Variants in HEATR6 observed in about 807,000 individuals in gnomAD.
The protein encoded by HEATR6 is HEAT repeat-containing protein 6.
HEATR6 carries 106 observed loss-of-function variants against 132.8 expected under a neutral mutation model. That is an observed-to-expected ratio of 0.80 (90% CI 0.68 to 0.94). HEATR6 has a LOEUF of 0.94. Ranked by LOEUF, HEATR6 falls within the 40% of genes least tolerant of loss-of-function variation. HEATR6 has a pLI of 0.00. For missense variants in HEATR6, 1,339 were observed against 1,425.1 expected (o/e 0.94, Z 0.97); for synonymous variants, 529 against 537.8 (o/e 0.98, Z 0.23).
At chr17:60,075,365 A>T (rs1312411860) in intron 2 of HEATR6, among the ~76,000 whole-genome samples, 2 of 152,112 alleles carry the variant, frequency 1.3e-5, no homozygotes, top group African/African-American at 2.4e-5. Context: ...TTATTTTTTT[A>T]AAAATTGTTT....
rs1479679453 is a variant in HEATR6, at chr17:60,042,804, C to T, written c.*759G>A. Among the ~76,000 whole-genome samples the T allele has an allele frequency of 1.6e-5, 1 of 63,734 alleles. No individual in the cohort carries two copies. Among genetic ancestry groups the T allele is most frequent in the Non-Finnish European group, 3.0e-5 (1 of 33,546 alleles). 41.8% of individuals were successfully genotyped at this position (63,734 alleles called of 152,430 possible). On this transcript the variant is annotated 3_prime_UTR_variant, in exon 20 of 20. Coordinates refer to ENST00000184956, the MANE Select transcript of HEATR6 (RefSeq NM_022070.5). ...TGAGGCACCGTCAGCATCCTCGCGT[C>T]CTGTGTGGCTGTGAGGCACCGTCAG...
intron 17 of HEATR6, among the ~76,000 whole-genome samples, chr17:60,047,617 C>A (rs1226862510): frequency 6.6e-6 from 1 of 151,292 alleles, no homozygotes; most frequent in East Asian, 1.9e-4. Flanking sequence ...TCTCAAAATG[C>A]AGATTTCATG....
rs752373524 is a variant in HEATR6, at chr17:60,076,182, T to C, written c.275A>G (p.His92Arg). The stretch of plus-strand genomic sequence containing the variant: ...AAGCTGGCTCACTTTGCTGACAAGA[T>C]GATTCTGATTAAGAGGTACCAGTCG... The part of the protein sequence containing the change: ...ACRLVPLNQN[H>R]LVSKVSQLIH... Residue 92 changes from histidine (H) to arginine (R), a missense_variant, in exon 2 of 20, where the codon CAT (histidine) becomes CGT (arginine). His to Arg is a conservative substitution (Grantham distance 29, BLOSUM62 0). Transcript: ENST00000184956. 8.7e-6 allele frequency: 14 copies of C among 1,611,994 alleles called. No homozygotes were observed. The highest frequency in any genetic ancestry group is 1.2e-5 in the Non-Finnish European group (14 of 1,179,632).
chr17:60,056,312 T>C, intron 12 of HEATR6, 75 bp from the exon 13 acceptor site: 1 of 1,420,404 alleles, frequency 7.0e-7, no homozygotes. Context: ...TGTTACAATA[T>C]TTCAGAAATC....
In HEATR6 at chr17:60,059,368, A is replaced by G. The variant is rs1906857847; in HGVS notation, c.1723+54T>C. 1.4e-5 allele frequency: 14 copies of G among 984,758 alleles called. 1 individual carries two copies. Among genetic ancestry groups the G allele is most frequent in the Middle Eastern group, 4.3e-4 (2 of 4,702 alleles). The allele number at this position is 984,758 out of a possible 1,614,324, so 61.0% of individuals were successfully genotyped here. On this transcript the variant is annotated intron_variant, in intron 11 of 19. Coordinates refer to ENST00000184956, the MANE Select transcript of HEATR6 (RefSeq NM_022070.5). ...TATCTATATCTGTATATTTTTACTA[A>G]TAGTCTGCATCTGACTGATACAAAG...
chr17:60,061,894 G>A (rs1428576878), intron 9 of HEATR6, among the ~76,000 whole-genome samples: 3 of 152,156 alleles, frequency 2.0e-5, no homozygotes, highest in Non-Finnish European at 2.9e-5. Flanking sequence ...AATTCCAACA[G>A]CTCACAAACT....
At chr17:60,069,889 C>A (rs1568639998) in intron 6 of HEATR6, 41 bp from the exon 7 acceptor site, 12 of 1,591,584 alleles carry the variant, frequency 7.5e-6, no homozygotes, top group Middle Eastern at 1.7e-4. Context: ...CACACGAAAC[C>A]AAAAAAACCA....
At chr17:60,072,394 A>T in intron 4 of HEATR6, 65 bp from the exon 5 acceptor site, 1 of 821,300 alleles carries the variant, frequency 1.2e-6, no homozygotes, top group Non-Finnish European at 2.0e-6. Context: ...GCAAAAGACT[A>T]ATTAAAAATA....
At chr17:60,069,489 A>G (rs948710953) in intron 7 of HEATR6, among the ~76,000 whole-genome samples, 1 of 152,296 alleles carries the variant, frequency 6.6e-6, no homozygotes, top group African/African-American at 2.4e-5. Flanking sequence ...GTGAATGCTC[A>G]TTTTTATAGC....
At chr17:60,052,353 T>C (rs1045552045) in intron 14 of HEATR6, among the ~76,000 whole-genome samples, 5 of 152,208 alleles carry the variant, frequency 3.3e-5, no homozygotes, top group African/African-American at 1.2e-4. Context: ...AGAAAATAAA[T>C]GTACATTGCT....
intron 8 of HEATR6, among the ~76,000 whole-genome samples, 159 bp downstream of exon 8, chr17:60,067,275 A>G (rs1284899242): frequency 1.3e-5 from 2 of 151,190 alleles, no homozygotes; most frequent in Non-Finnish European, 3.0e-5. Context: ...GTCTCAAAAA[A>G]AAAAAAAAAA....
chr17:60,077,626 C>T (rs1160411237), intron 1 of HEATR6, among the ~76,000 whole-genome samples: 1 of 152,242 alleles, frequency 6.6e-6, no homozygotes, highest in Non-Finnish European at 1.5e-5. Flanking sequence ...TGTCCTGCAA[C>T]TTGCTTCAAC....
At chr17:60,063,148 G>A (rs534776210) in intron 9 of HEATR6, 1 of 152,328 alleles carries the variant, frequency 6.6e-6, no homozygotes, top group Admixed American at 6.5e-5. Context: ...GGCCATATGA[G>A]AGAAAATCTA....
At chr17:60,071,724 GA>G (rs926281052) in intron 5 of HEATR6, among the ~76,000 whole-genome samples, 8 of 151,404 alleles carry the variant, frequency 5.3e-5, no homozygotes, top group South Asian at 2.1e-4. Context: ...TTTACATATA[GA>G]AAAAAAAATC....
rs1350126717 is a variant in HEATR6, at chr17:60,073,294, A to C, written c.469-15T>G. ...TCTGGGAGGTACTAAGAAAAATAAG[A>C]GTCAATGTAGGTCAAAGAAAAGCTT... On this transcript the variant is annotated splice_polypyrimidine_tract_variant and intron_variant, in intron 3 of 19. Coordinates refer to ENST00000184956, the MANE Select transcript of HEATR6 (RefSeq NM_022070.5). The C allele has an allele frequency of 2.1e-6, 3 of 1,408,098 alleles. No homozygotes were observed. The South Asian group carries it at 3.5e-5, about 16-fold the overall frequency. 87.2% of individuals were successfully genotyped at this position (1,408,098 alleles called of 1,614,324 possible).
At chr17:60,061,972 T>C (rs1224627095) in intron 9 of HEATR6, among the ~76,000 whole-genome samples, 1 of 152,260 alleles carries the variant, frequency 6.6e-6, no homozygotes, top group African/African-American at 2.4e-5. Flanking sequence ...TTTAGCACAA[T>C]TTTGGCATCT....
chr17:60,043,553 G>A lies in HEATR6; in HGVS notation c.*10C>T. The A allele has an allele frequency of 6.3e-7, 1 of 1,598,072 alleles. No homozygotes were observed. Among genetic ancestry groups the A allele is most frequent in the Non-Finnish European group, 8.6e-7 (1 of 1,168,156 alleles). On this transcript the variant is annotated 3_prime_UTR_variant, in exon 20 of 20. Coordinates refer to ENST00000184956, the MANE Select transcript of HEATR6 (RefSeq NM_022070.5). ...GCCGCCTTCGACATCTAGAAAGTAT[G>A]GTGGGATCTTCACTGATTTGTTAAC...
intron 14 of HEATR6, among the ~76,000 whole-genome samples, chr17:60,054,334 T>G (rs1282838890): frequency 6.6e-6 from 1 of 152,214 alleles, no homozygotes; most frequent in Non-Finnish European, 1.5e-5. Context: ...TGGGTGCCCA[T>G]GCAGAAGCCT....
In HEATR6 at chr17:60,067,662, C is replaced by T; in HGVS notation, c.1010G>A (p.Ser337Asn). 1 of 1,613,368 alleles carries T rather than the reference C, an allele frequency of 6.2e-7. No homozygotes were observed. Among genetic ancestry groups the T allele is most frequent in the Non-Finnish European group, 8.5e-7 (1 of 1,179,766 alleles). ...GACTGGGGCTGCCTCTATTTCACCACTGGATTCCTTTTCCTCCTCCTCTCC... is the reference window on the plus strand; with the variant it reads ...GACTGGGGCTGCCTCTATTTCACCATTGGATTCCTTTTCCTCCTCCTCTCC... ...QQGEEEEKES[S>N]GEIEAAPVTG... Residue 337 changes from serine (S) to asparagine (N), a missense_variant, in exon 8 of 20, where the codon AGT (serine) becomes AAT (asparagine). Coordinates refer to ENST00000184956, the MANE Select transcript of HEATR6 (RefSeq NM_022070.5).
Sources: gnomAD v4.1 joint callset for allele counts (sites outside exome capture counted in the v4.1 genomes callset) on GRCh38, gnomAD v4.1.1 for gene constraint, MANE v1.5 for transcripts, NCBI Gene and HGNC (gene_info 2026-07-23, HGNC 2026-07-21) for gene names.